MAGI1: variants seen among roughly 807,000 people sequenced by gnomAD.
MAGI1 encodes membrane associated guanylate kinase, WW and PDZ domain containing 1.
Under a neutral mutation model 139.9 loss-of-function variants are expected in MAGI1, and 58 were observed. The observed-to-expected ratio is 0.41, with a 90% CI of 0.34 to 0.52. The LOEUF (loss-of-function observed/expected upper bound fraction) is 0.52, where lower values mean the gene tolerates loss of function less well. Among genes scored for constraint, MAGI1 ranks in the 20% least tolerant of loss-of-function variants. The probability of loss-of-function intolerance (pLI) is 0.12; values close to 1 mark genes in which losing one functional copy is unlikely to be tolerated. For synonymous variants in MAGI1, 812 were observed against 737.9 expected, an observed-to-expected ratio of 1.10 and a Z score of -1.63; for missense variants, 1,874 against 1,901.6, an observed-to-expected ratio of 0.99 and a Z score of 0.27.
intron 1 of MAGI1, among the ~76,000 whole-genome samples, chr3:65,980,768 A>G (rs540669743): frequency 1.3e-5 from 2 of 152,310 alleles, no homozygotes; most frequent in South Asian, 4.1e-4. Context: ...ACAGCCACAG[A>G]TTATATATGT....
chr3:65,976,802 G>A (rs541300944), intron 1 of MAGI1, among the ~76,000 whole-genome samples: 1 of 152,176 alleles, frequency 6.6e-6, no homozygotes, highest in Non-Finnish European at 1.5e-5. Flanking sequence ...CCATGAAGAA[G>A]ACTTAGAAGC....
chr3:65,945,932 A>G (rs1311646161), intron 1 of MAGI1, among the ~76,000 whole-genome samples: 2 of 152,236 alleles, frequency 1.3e-5, no homozygotes, highest in Non-Finnish European at 2.9e-5. Flanking sequence ...GGCAAGCAAT[A>G]AAGTGGTAAT....
At chr3:65,987,449 C>T (rs756704780) in intron 1 of MAGI1, among the ~76,000 whole-genome samples, 2 of 152,086 alleles carry the variant, frequency 1.3e-5, no homozygotes, top group Non-Finnish European at 2.9e-5. Context: ...TAGGTAACTG[C>T]ACATTAGAGG....
chr3:65,648,045 A>T (rs1249630224), intron 1 of MAGI1, among the ~76,000 whole-genome samples: 1 of 152,262 alleles, frequency 6.6e-6, no homozygotes, highest in Non-Finnish European at 1.5e-5. Context: ...TTATCTACAT[A>T]GAAAATCCCA....
chr3:65,769,276 CT>C (rs2107929098), intron 1 of MAGI1, among the ~76,000 whole-genome samples: 2 of 152,108 alleles, frequency 1.3e-5, no homozygotes, highest in East Asian at 3.9e-4. Flanking sequence ...TTCTTTTGAT[CT>C]TTTTATAAAA....
chr3:65,490,759 G>A (rs994665055), intron 3 of MAGI1, among the ~76,000 whole-genome samples: 4 of 143,350 alleles, frequency 2.8e-5, no homozygotes, highest in African/African-American at 7.8e-5. Context: ...CAGGAGAATC[G>A]CTTGAACATG....
chr3:65,400,136 G>A (rs946248085), intron 13 of MAGI1, among the ~76,000 whole-genome samples: 6 of 152,108 alleles, frequency 3.9e-5, no homozygotes, highest in East Asian at 1.9e-4. Context: ...ACACACATGC[G>A]CACATGCACA....
rs1354993109 is a variant in MAGI1, at chr3:65,480,556, A to C, written c.551-1758T>G. Among the ~76,000 whole-genome samples the C allele has an allele frequency of 4.7e-5, 7 of 149,422 alleles. No individual in the cohort carries two copies. In the Admixed American group the frequency reaches 4.7e-4, roughly 10 times the overall value. On this transcript the variant is annotated intron_variant, in intron 3 of 22. Transcript: ENST00000402939. ...TCTCAAAAAAAAAAAAATTGCTTCT[A>C]TCAGGCTTTATTCTTATAAATAAGG...
At chr3:65,727,130 A>G (rs2033709907) in intron 1 of MAGI1, among the ~76,000 whole-genome samples, 2 of 152,172 alleles carry the variant, frequency 1.3e-5, no homozygotes, top group African/African-American at 4.8e-5. Context: ...AGTGAGACAA[A>G]GTAATAGAAA....
chr3:66,009,389 A>C (rs951072353), intron 1 of MAGI1, among the ~76,000 whole-genome samples: 1 of 152,118 alleles, frequency 6.6e-6, no homozygotes, highest in African/African-American at 2.4e-5. Flanking sequence ...CGGTGCTTGT[A>C]ATCCCAGCTA....
At chr3:65,921,211 T>C (rs1344993011) in intron 1 of MAGI1, among the ~76,000 whole-genome samples, 3 of 152,168 alleles carry the variant, frequency 2.0e-5, no homozygotes, top group Non-Finnish European at 4.4e-5. Context: ...GGAAGAAAGC[T>C]ACTACGTGGT....
chr3:65,526,204 T>C (rs1449967974), intron 2 of MAGI1, among the ~76,000 whole-genome samples: 1 of 152,184 alleles, frequency 6.6e-6, no homozygotes, highest in African/African-American at 2.4e-5. Context: ...TTTCCTGCCC[T>C]CCTTGATGTT....
chr3:65,669,275 C>T (rs902813061), intron 1 of MAGI1, among the ~76,000 whole-genome samples: 10 of 152,104 alleles, frequency 6.6e-5, no homozygotes, highest in Non-Finnish European at 1.2e-4. Context: ...TCACAAGGAG[C>T]CAAATCAGGA....
chr3:65,707,581 T>C (rs967575558), intron 1 of MAGI1, among the ~76,000 whole-genome samples: 2 of 151,162 alleles, frequency 1.3e-5, no homozygotes, highest in African/African-American at 4.9e-5. Context: ...GCCCAGCTAC[T>C]TGGGAGGCTG....
At chr3:65,461,260 G>A (rs1230941337) in intron 5 of MAGI1, among the ~76,000 whole-genome samples, 2 of 151,950 alleles carry the variant, frequency 1.3e-5, no homozygotes, top group Non-Finnish European at 2.9e-5. Flanking sequence ...CTGTCGCCCA[G>A]GCTGGTGTGC....
At chr3:65,524,478 T>C (rs528219914) in intron 2 of MAGI1, among the ~76,000 whole-genome samples, 25 of 152,234 alleles carry the variant, frequency 1.6e-4, no homozygotes, top group Non-Finnish European at 2.5e-4. Flanking sequence ...GTTAGACATG[T>C]AGGGTAAATT....
chr3:65,468,777 A>G (rs1264788468), intron 5 of MAGI1, among the ~76,000 whole-genome samples: 1 of 151,828 alleles, frequency 6.6e-6, no homozygotes, highest in African/African-American at 2.4e-5. Flanking sequence ...ATTATAAAAC[A>G]TATGCTAAGT....
At position 65,400,750 on chromosome 3, in the gene MAGI1, A is replaced by ATTTT. The variant is rs767598706; in HGVS notation, c.2199+685_2199+688dup. Among the ~76,000 whole-genome samples, 62 of 60,590 alleles carry ATTTT rather than the reference A, an allele frequency of 1.0e-3. 2 individuals carry two copies. The highest frequency in any genetic ancestry group is 1.9e-3 in the African/African-American group (29 of 14,900). The allele number at this position is 60,590 out of a possible 152,430, so 39.7% of individuals were successfully genotyped here. A position where few individuals can be genotyped will look rare whatever the true frequency, so the allele number is the denominator to read the frequency against. On this transcript the variant is annotated intron_variant, in intron 13 of 22. Transcript: ENST00000402939. ...GATTGGAAAGGACAGCAAAACATTG[A>ATTTT]TTTTTTTTTTTTTTTTTTTTTTTTT...
intron 2 of MAGI1, among the ~76,000 whole-genome samples, chr3:65,536,731 G>A (rs2078973776): frequency 6.6e-6 from 1 of 152,138 alleles, no homozygotes; most frequent in South Asian, 2.1e-4. Context: ...TGGGACATTG[G>A]TTGTAACCAT....
Sources: allele counts gnomAD v4.1 joint callset (sites outside exome capture counted in the v4.1 genomes callset), GRCh38; gene constraint gnomAD v4.1.1; transcripts MANE v1.5; gene names NCBI Gene and HGNC (gene_info 2026-07-23, HGNC 2026-07-21).